Variants in IGF2R observed in about 807,000 individuals in gnomAD.
The protein encoded by IGF2R is cation-independent mannose-6-phosphate receptor.
Under a neutral mutation model 270.6 loss-of-function variants are expected in IGF2R, and 91 were observed. That is an observed-to-expected ratio of 0.34 (90% CI 0.28 to 0.40). The LOEUF (loss-of-function observed/expected upper bound fraction) is 0.40. Ranked by LOEUF, IGF2R falls within the 10% of genes least tolerant of loss-of-function variation. The pLI is 1.00. For synonymous variants in IGF2R, 1,316 were observed against 1,258.9 expected (o/e 1.05, Z -0.96); for missense variants, 2,805 against 3,188.3 (o/e 0.88, Z 2.90).
chr6:160,058,328 A>G (rs1014913436), intron 21 of IGF2R, among the ~76,000 whole-genome samples: 4 of 152,234 alleles, frequency 2.6e-5, no homozygotes, highest in Non-Finnish European at 5.9e-5. Flanking sequence ...TCAGACGTGA[A>G]GACTGTTATT....
Position 160,088,100 on chromosome 6 carries a change from G to A in IGF2R, c.6273G>A (p.Val2091=), listed in dbSNP as rs908707776. Residue 2091 remains valine, a synonymous_variant, in exon 42 of 48, where the codon GTG becomes GTA. Coordinates refer to ENST00000356956, the MANE Select transcript of IGF2R (RefSeq NM_000876.4). The stretch of plus-strand genomic sequence containing the variant: ...GTGGAAATAAGACCGCATCCTCCGT[G>A]ATAGAATTGACCTGTACAAAGACGG... The part of the protein sequence containing the change: ...PCGGNKTASS[V]IELTCTKTVG... 6.2e-7 allele frequency: 1 copy of A among 1,614,052 alleles called. No homozygotes were observed. Among genetic ancestry groups the A allele is most frequent in the Admixed American group, 1.7e-5 (1 of 60,026 alleles).
chr6:160,042,902 G>C (rs918206444), intron 11 of IGF2R, among the ~76,000 whole-genome samples: 10 of 151,990 alleles, frequency 6.6e-5, no homozygotes, highest in Non-Finnish European at 4.4e-5. Flanking sequence ...TCCCCCAGTT[G>C]GGCCTACTCT....
intron 4 of IGF2R, among the ~76,000 whole-genome samples, chr6:160,024,367 T>A (rs1456711924): frequency 6.6e-6 from 1 of 151,984 alleles, no homozygotes; most frequent in Non-Finnish European, 1.5e-5. Flanking sequence ...TGCACAACAG[T>A]CCTCATGTAA....
Position 160,013,284 on chromosome 6 carries a change from T to C in IGF2R, c.513+2499T>C, listed in dbSNP as rs562568019. Among the ~76,000 whole-genome samples, 28 of 152,248 alleles carry C rather than the reference T, an allele frequency of 1.8e-4. No homozygotes were observed. In the South Asian group the frequency reaches 2.7e-3, roughly 15 times the overall value. On this transcript the variant is annotated intron_variant, in intron 4 of 47. Transcript: ENST00000356956. The stretch of plus-strand genomic sequence containing the variant: ...TTCAAAGCCTGCCCTGGCCTGTTTT[T>C]GTACAACCCCAGGACTAAGAATGGT...
At chr6:160,064,030 T>C (rs1778502045) in intron 27 of IGF2R, among the ~76,000 whole-genome samples, 1 of 152,244 alleles carries the variant, frequency 6.6e-6, no homozygotes, top group Non-Finnish European at 1.5e-5. Context: ...TCATTCATGC[T>C]GTTTCAGCAG....
intron 11 of IGF2R, among the ~76,000 whole-genome samples, chr6:160,042,560 C>T (rs1777968870): frequency 6.6e-6 from 1 of 152,192 alleles, no homozygotes; most frequent in Non-Finnish European, 1.5e-5. Context: ...TCACGTCCTG[C>T]AGGTGCCTAA....
Position 160,004,681 on chromosome 6 carries a change from C to G in IGF2R, c.290-4329C>G, listed in dbSNP as rs1323666870. The G allele has an allele frequency of 6.5e-6, 1 of 154,066 alleles. No homozygotes were observed. The highest frequency in any genetic ancestry group is 2.4e-5 in the African/African-American group (1 of 41,306). The allele number at this position is 154,066 out of a possible 1,614,324, so 9.5% of individuals were successfully genotyped here. On this transcript the variant is annotated intron_variant, in intron 2 of 47. Transcript: ENST00000356956. This position sits in a 1 kb window ranked among gnomAD's most constrained non-coding sequence, Gnocchi z 5.2. The stretch of plus-strand genomic sequence containing the variant: ...GTGGCCAAGTGTGGTGTGTGGAGGG[C>G]CCTTGTGTGCAGCCTGGTGGTTCCT...
In IGF2R at chr6:160,062,548, A is replaced by G. The variant is rs777040479; in HGVS notation, c.3599A>G (p.Gln1200Arg). 6.2e-7 allele frequency: 1 copy of G among 1,613,414 alleles called. No homozygotes were observed. The highest frequency in any genetic ancestry group is 8.5e-7 in the Non-Finnish European group (1 of 1,179,388). Residue 1200 changes from glutamine (Q) to arginine (R), a missense_variant, in exon 26 of 48, where the codon CAG becomes CGG. Around this residue, in one of 2 missense-constraint regions of IGF2R, gnomAD observed 1,851 missense variants for 2,207.2 expected, o/e 0.84. Transcript: ENST00000356956. The part of the protein sequence containing the change: ...CAQISGSPAF[Q>R]LQDGCEYVFI... The stretch of plus-strand genomic sequence containing the variant: ...ATATTACAGGGCTCACCAGCATTTC[A>G]GCTTCAGGATGGTTGTGAGTACGTG...
intron 10 of IGF2R, among the ~76,000 whole-genome samples, chr6:160,036,290 G>A (rs1289507630): frequency 6.6e-6 from 1 of 151,972 alleles, no homozygotes; most frequent in Non-Finnish European, 1.5e-5. Context: ...TCACCTCCTA[G>A]CCTACCTACG....
At chr6:160,056,563 C>G in intron 20 of IGF2R, 38 bp downstream of exon 20, 1 of 1,333,942 alleles carries the variant, frequency 7.5e-7, no homozygotes, top group Non-Finnish European at 1.1e-6. Context: ...GCTGAGCTGC[C>G]TGCTGGACAT....
chr6:159,994,430 G>GT (rs1024079049), intron 2 of IGF2R, among the ~76,000 whole-genome samples: 23 of 151,126 alleles, frequency 1.5e-4, no homozygotes, highest in Non-Finnish European at 7.4e-5. Flanking sequence ...GCATTTTTTG[G>GT]GGGGGGTCTC....
chr6:160,066,360 G>A (rs146072268), intron 29 of IGF2R, among the ~76,000 whole-genome samples: 37 of 152,140 alleles, frequency 2.4e-4, no homozygotes, highest in African/African-American at 8.0e-4. Context: ...ATGTTGGCCA[G>A]GCTGGTCTTG....
intron 2 of IGF2R, among the ~76,000 whole-genome samples, chr6:159,992,146 C>T (rs764507938): frequency 2.6e-5 from 4 of 152,148 alleles, no homozygotes; most frequent in Non-Finnish European, 4.4e-5. Flanking sequence ...TGTCTGATAA[C>T]TAGAAGAAGA....
chr6:160,074,073 A>AT (rs1267929211), intron 35 of IGF2R, 98 bp downstream of exon 35: 14 of 816,706 alleles, frequency 1.7e-5, no homozygotes, highest in Admixed American at 1.4e-4. Flanking sequence ...TTGCTCAAGC[A>AT]TAAAAAAAAT....
In IGF2R at chr6:160,078,329, C is replaced by T; in HGVS notation, c.5445C>T (p.Phe1815=). The T allele has an allele frequency of 6.2e-7, 1 of 1,614,188 alleles. No homozygotes were observed. The change falls in exon 37 of 48, where the codon TTC becomes TTT. Residue 1815 remains phenylalanine (F), a synonymous_variant. Transcript: ENST00000356956. ...CAGATGAGCAGCTCCTCTACAGCTT[C>T]AACTTGTCCAGCCTTTCCACGAGCA... is the stretch of plus-strand genomic sequence containing the variant. The part of the protein sequence containing the change: ...TLTDEQLLYS[F]NLSSLSTSTF...
At chr6:160,085,572 G>C (rs1779082566) in intron 41 of IGF2R, among the ~76,000 whole-genome samples, 2 of 152,188 alleles carry the variant, frequency 1.3e-5, no homozygotes, top group Admixed American at 1.3e-4. Flanking sequence ...ACGGGAAATT[G>C]ATCTTGTACT....
At chr6:160,006,972 A>G (rs887198292) in intron 2 of IGF2R, 1 of 150,500 alleles carries the variant, frequency 6.6e-6, no homozygotes, top group Non-Finnish European at 1.5e-5. Context: ...TGTGTTTGCA[A>G]CTAAGTTATC....
At chr6:160,090,906 G>A (rs1330136765) in intron 44 of IGF2R, among the ~76,000 whole-genome samples, 1 of 149,910 alleles carries the variant, frequency 6.7e-6, no homozygotes, top group African/African-American at 2.5e-5. Flanking sequence ...TGAGCTCATC[G>A]CCGAGAAGGA....
intron 1 of IGF2R, among the ~76,000 whole-genome samples, chr6:159,973,141 AAG>A (rs1384473941): frequency 4.6e-5 from 7 of 152,150 alleles, no homozygotes; most frequent in African/African-American, 1.4e-4. Context: ...GTAGAGCAAG[AAG>A]AGAGGGCATT....
Sources: allele counts gnomAD v4.1 joint callset (sites outside exome capture counted in the v4.1 genomes callset), GRCh38; gene constraint gnomAD v4.1.1; regional missense constraint gnomAD v4.1.1; non-coding constraint Gnocchi (gnomAD v3.1); transcripts MANE v1.5; gene names NCBI Gene and HGNC (gene_info 2026-07-23, HGNC 2026-07-21).